SMAD6: variants seen among roughly 807,000 people sequenced by gnomAD.
The protein encoded by SMAD6 is SMAD family member 6, also known as MAD homolog 6.
In SMAD6, 103 loss-of-function variants were observed where a neutral mutation model predicts 39.4. That is an observed-to-expected ratio of 2.62 (90% CI 2.23 to 3.08). The LOEUF is 3.08. Ranked by LOEUF, SMAD6 falls within the 30% of genes most tolerant of loss-of-function variation. SMAD6 has a pLI of 0.00. For missense variants in SMAD6, 1,104 were observed against 742.9 expected (o/e 1.49, Z -5.65); for synonymous variants, 445 against 353.3 (o/e 1.26, Z -2.91).
chr15:66,722,292 G>A (rs1301028646), intron 3 of SMAD6, among the ~76,000 whole-genome samples: 1 of 152,228 alleles, frequency 6.6e-6, no homozygotes, highest in Non-Finnish European at 1.5e-5. Context: ...GGTGCTGTAT[G>A]CAGAGTGGTT....
In SMAD6 at chr15:66,703,345, C is replaced by T; in HGVS notation, c.87C>T (p.Gly29=). 1 of 1,480,312 alleles carries T rather than the reference C, an allele frequency of 6.8e-7. No individual in the cohort carries two copies. The highest frequency in any genetic ancestry group is 9.0e-7 in the Non-Finnish European group (1 of 1,115,122). 91.7% of individuals were successfully genotyped at this position (1,480,312 alleles called of 1,614,324 possible). The change falls in exon 1 of 4, where the codon GGC becomes GGT. Residue 29 remains glycine (G), a synonymous_variant. Coordinates refer to ENST00000288840, the MANE Select transcript of SMAD6 (RefSeq NM_005585.5). ...VPDREEGGSG[G]GGGGDEDGSL... ...ACCGGGAGGAAGGCGGCAGCGGCGG[C>T]GGCGGTGGCGGCGACGAGGATGGGA...
rs572783986 is a variant in SMAD6, at chr15:66,703,804, G to A, written c.546G>A (p.Arg182=). Residue 182 remains arginine (R), a synonymous_variant, in exon 1 of 4, where the codon CGG becomes CGA. Transcript: ENST00000288840. The part of the protein sequence containing the change: ...LKTVTYSLLK[R]LKERSLDTLL... ...CCGTCACGTACTCGCTGCTGAAGCG[G>A]CTCAAGGAGCGCTCGCTGGACACGC... 18 of 1,434,566 alleles carry A rather than the reference G, an allele frequency of 1.3e-5. No individual in the cohort carries two copies. Among genetic ancestry groups the A allele is most frequent in the Non-Finnish European group, 1.7e-5 (18 of 1,083,262 alleles). The allele number at this position is 1,434,566 out of a possible 1,614,324, so 88.9% of individuals were successfully genotyped here.
chr15:66,771,791 G>A (rs767415600), intron 3 of SMAD6, among the ~76,000 whole-genome samples: 3 of 151,524 alleles, frequency 2.0e-5, no homozygotes, highest in South Asian at 2.1e-4. Context: ...GGGACTAGCC[G>A]GGGCTAGCAG....
In SMAD6 at chr15:66,704,067, GC is replaced by G; in HGVS notation, c.810del (p.Cys270TrpfsTer269). The part of the protein sequence containing the change: ...CCNPYHFSRL[C>X]GPESPPPPYS... The stretch of plus-strand genomic sequence containing the variant: ...AACCCCTACCACTTCAGCCGGCTCT[GC>G]GGGCCCGGTGAGCGCGCTGCGCCGG... On this transcript the variant is annotated frameshift_variant, in exon 1 of 4. Transcript: ENST00000288840. LOFTEE classifies it high-confidence loss of function. The G allele has an allele frequency of 6.7e-7, 1 of 1,492,826 alleles. No homozygotes were observed. The highest frequency in any genetic ancestry group is 1.3e-5 in the South Asian group (1 of 79,874). 92.5% of individuals were successfully genotyped at this position (1,492,826 alleles called of 1,614,324 possible). A position where few individuals can be genotyped will look rare whatever the true frequency, so the allele number is the denominator to read the frequency against.
chr15:66,729,444 G>A (rs955501282), intron 3 of SMAD6, among the ~76,000 whole-genome samples: 2 of 152,194 alleles, frequency 1.3e-5, no homozygotes, highest in African/African-American at 2.4e-5. Context: ...GGGAGCAGCC[G>A]GCCGGGTCTG....
chr15:66,781,169 G>A lies in SMAD6; in HGVS notation c.1125G>A (p.Gln375=), dbSNP rs1351252498. ...GFCLGQLNLE[Q]RSESVRRTRS... is the part of the protein sequence containing the mutation. Reference sequence around the variant, plus strand: ...GCCTGGGCCAGCTCAACCTGGAGCAGCGCAGCGAGTCGGTGCGGCGAACGC... The same window carrying A: ...GCCTGGGCCAGCTCAACCTGGAGCAACGCAGCGAGTCGGTGCGGCGAACGC... Residue 375 remains glutamine (Q), a synonymous_variant, in exon 4 of 4, where the codon CAG becomes CAA. Transcript: ENST00000288840. The A allele has an allele frequency of 1.2e-6, 2 of 1,607,932 alleles. No homozygotes were observed. Among genetic ancestry groups the A allele is most frequent in the Non-Finnish European group, 1.7e-6 (2 of 1,179,756 alleles).
intron 3 of SMAD6, among the ~76,000 whole-genome samples, chr15:66,736,520 C>T (rs1447320194): frequency 6.6e-6 from 1 of 152,194 alleles, no homozygotes; most frequent in Non-Finnish European, 1.5e-5. Context: ...GAGGCATTCT[C>T]TCACCAGGGC....
At position 66,727,275 on chromosome 15, in the gene SMAD6, G is replaced by A. The variant is rs569502416; in HGVS notation, c.952+10777G>A. Among the ~76,000 whole-genome samples, 129 of 152,142 alleles carry A rather than the reference G, an allele frequency of 8.5e-4. 1 individual carries two copies. Among genetic ancestry groups the A allele is most frequent in the African/African-American group, 2.9e-3 (122 of 41,510 alleles). ...GCGCCACCATGCCCGGCTAACTTTTGTATTTTTAGTAGAGATGGGGTTTCA... is the reference window on the plus strand; with the variant it reads ...GCGCCACCATGCCCGGCTAACTTTTATATTTTTAGTAGAGATGGGGTTTCA... On this transcript the variant is annotated intron_variant, in intron 3 of 3. Coordinates refer to ENST00000288840, the MANE Select transcript of SMAD6 (RefSeq NM_005585.5).
chr15:66,754,730 A>G lies in SMAD6; in HGVS notation c.953-26267A>G, dbSNP rs189724121. On this transcript the variant is annotated intron_variant, in intron 3 of 3. Coordinates refer to ENST00000288840, the MANE Select transcript of SMAD6 (RefSeq NM_005585.5). ...TGGGATATGATTAATTATAATCCCC[A>G]TTTTACAGATGGATTCACTGCAGCT... is the stretch of plus-strand genomic sequence containing the variant. Among the ~76,000 whole-genome samples the G allele has an allele frequency of 5.9e-5, 9 of 152,268 alleles. No homozygotes were observed. The East Asian group carries it at 1.7e-3, about 29-fold the overall frequency.
At chr15:66,751,030 A>C (rs1893996248) in intron 3 of SMAD6, among the ~76,000 whole-genome samples, 1 of 152,174 alleles carries the variant, frequency 6.6e-6, no homozygotes, top group Admixed American at 6.5e-5. Flanking sequence ...CACCCCCTGC[A>C]CTGGTCTCCT....
intron 3 of SMAD6, among the ~76,000 whole-genome samples, chr15:66,762,333 C>A (rs1033940504): frequency 6.6e-6 from 1 of 152,194 alleles, no homozygotes; most frequent in African/African-American, 2.4e-5. Context: ...GCTTAGCAAG[C>A]GGGTGAGAGG....
In SMAD6 at chr15:66,711,729, G is replaced by A. The variant is rs754680878; in HGVS notation, c.874+5G>A. 6 of 1,612,282 alleles carry A rather than the reference G, an allele frequency of 3.7e-6. No homozygotes were observed. The highest frequency in any genetic ancestry group is 3.3e-5 in the South Asian group (3 of 91,054). ...GCGACGAGTACAAGCCACTGGGTAA[G>A]TGTGCCCTCCTTCCTACCCTTGCAG... On this transcript the variant is annotated splice_donor_5th_base_variant and intron_variant, in intron 2 of 3. Transcript: ENST00000288840.
Position 66,703,709 on chromosome 15 carries a change from G to A in SMAD6, c.451G>A (p.Glu151Lys). 2 of 1,347,092 alleles carry A rather than the reference G, an allele frequency of 1.5e-6. No homozygotes were observed. The highest frequency in any genetic ancestry group is 1.9e-6 in the Non-Finnish European group (2 of 1,035,914). 83.4% of individuals were successfully genotyped at this position (1,347,092 alleles called of 1,614,324 possible). Reference protein sequence around the residue: ...ASDPLAGAALEPAGGGRSREA... With the variant: ...ASDPLAGAALKPAGGGRSREA... ...CGACCCCCTGGCCGGGGCGGCCCTG[G>A]AGCCGGCGGGCGGCGGGCGGAGTCG... Residue 151 changes from glutamate (E) to lysine (K), a missense_variant, in exon 1 of 4, where the codon GAG (glutamate) becomes AAG (lysine). Glu to Lys is a moderately conservative substitution (Grantham distance 56). Transcript: ENST00000288840.
At chr15:66,707,222 T>A (rs1893132776) in intron 1 of SMAD6, 1 of 152,162 alleles carries the variant, frequency 6.6e-6, no homozygotes, top group African/African-American at 2.4e-5. Flanking sequence ...AGAGCTCCTT[T>A]CTCCTGAAAG....
intron 3 of SMAD6, 36 bp from the exon 4 acceptor site, chr15:66,780,961 C>G: frequency 1.3e-6 from 2 of 1,513,186 alleles, no homozygotes; most frequent in Non-Finnish European, 1.8e-6. Context: ...CCTCCCCACC[C>G]AGAATAACGC....
intron 3 of SMAD6, among the ~76,000 whole-genome samples, chr15:66,734,816 C>G (rs1893686360): frequency 6.6e-6 from 1 of 152,222 alleles, no homozygotes; most frequent in Admixed American, 6.5e-5. Context: ...CTTAATGCCA[C>G]TGAACTATGC....
rs1392078738 is a variant in SMAD6, at chr15:66,738,449, G to A, written c.952+21951G>A. On this transcript the variant is annotated intron_variant, in intron 3 of 3. Transcript: ENST00000288840. Reference sequence around the variant, plus strand: ...AGGGGGTTGTGAGAGGAGTGTCAACGATCCTCCAGGAAGTTTGGAAAATAG... The same window carrying A: ...AGGGGGTTGTGAGAGGAGTGTCAACAATCCTCCAGGAAGTTTGGAAAATAG... Among the ~76,000 whole-genome samples, 4 of 152,186 alleles carry A rather than the reference G, an allele frequency of 2.6e-5. No individual in the cohort carries two copies. In the South Asian group the frequency reaches 6.2e-4, roughly 24 times the overall value.
At chr15:66,768,693 CAGT>C (rs1894330826) in intron 3 of SMAD6, among the ~76,000 whole-genome samples, 1 of 152,216 alleles carries the variant, frequency 6.6e-6, no homozygotes, top group African/African-American at 2.4e-5. Context: ...CTCTGAGCAT[CAGT>C]AGTACTCTCT....
chr15:66,763,457 C>G (rs1894237718), intron 3 of SMAD6, among the ~76,000 whole-genome samples: 2 of 152,226 alleles, frequency 1.3e-5, no homozygotes, highest in South Asian at 4.1e-4. Context: ...CCCGACTTGG[C>G]AGGGCCGTCT....
Sources: gnomAD v4.1 joint callset for allele counts (sites outside exome capture counted in the v4.1 genomes callset) on GRCh38, gnomAD v4.1.1 for gene constraint, MANE v1.5 for transcripts, NCBI Gene and HGNC (gene_info 2026-07-23, HGNC 2026-07-21) for gene names.